Variants in LPP observed in about 807,000 individuals in gnomAD.
The protein encoded by LPP is lipoma-preferred partner.
A neutral mutation model predicts 60.4 loss-of-function variants in LPP; 38 were observed. The observed-to-expected ratio is 0.63, with a 90% confidence interval of 0.49 to 0.83. The LOEUF (loss-of-function observed/expected upper bound fraction) is 0.83. Among genes scored for constraint, LPP ranks in the 40% least tolerant of loss-of-function variants. LPP has a pLI of 0.00. For synonymous variants in LPP, 328 were observed against 290.8 expected (o/e 1.13, Z -1.30); for missense variants, 902 against 783.6 (o/e 1.15, Z -1.80).
intron 1 of LPP, among the ~76,000 whole-genome samples, chr3:188,190,389 G>A (rs986174776): frequency 6.6e-6 from 1 of 152,076 alleles, no homozygotes; most frequent in Admixed American, 6.6e-5. Flanking sequence ...TGAGGAGATT[G>A]AGGCTTGGAG....
At chr3:188,462,590 G>GTA (rs1799362688) in intron 4 of LPP, among the ~76,000 whole-genome samples, 17 of 4,774 alleles carry the variant, frequency 3.6e-3, no homozygotes, top group African/African-American at 3.8e-3. Context: ...ATATATGCAT[G>GTA]TGTGTGTGTG....
chr3:188,769,134 CG>C lies in LPP; in HGVS notation c.1410+8853del, dbSNP rs1735067905. Among the ~76,000 whole-genome samples the C allele has an allele frequency of 4.6e-5, 7 of 152,154 alleles. No homozygotes were observed. The South Asian group carries it at 1.5e-3, about 32-fold the overall frequency. ...AAAATATCTAGGTAAAACTTTAAAA[CG>C]TATAAATGATCTAAGTGAGGAATGC... On this transcript the variant is annotated intron_variant, in intron 9 of 11. Transcript: ENST00000617246.
intron 4 of LPP, chr3:188,472,910 A>T (rs1802217774): frequency 6.6e-6 from 1 of 152,164 alleles, no homozygotes; most frequent in Non-Finnish European, 1.5e-5. Flanking sequence ...ATTCCCAAGA[A>T]GTCTCAGTTT....
chr3:188,811,466 A>T (rs1577710623), intron 9 of LPP, among the ~76,000 whole-genome samples: 1 of 152,068 alleles, frequency 6.6e-6, no homozygotes, highest in South Asian at 2.1e-4. Flanking sequence ...ACATCATTTG[A>T]TATTAACCTT....
intron 9 of LPP, among the ~76,000 whole-genome samples, chr3:188,819,401 C>T (rs1753369902): frequency 6.6e-6 from 1 of 151,908 alleles, no homozygotes. Flanking sequence ...AAAAAAAACC[C>T]TGAATACCTA....
intron 2 of LPP, among the ~76,000 whole-genome samples, chr3:188,251,973 T>C (rs920166015): frequency 6.8e-6 from 1 of 146,780 alleles, no homozygotes; most frequent in Admixed American, 6.9e-5. Context: ...CACCTTGTTA[T>C]TCCCCACACC....
At chr3:188,341,605 A>G (rs1010574264) in intron 2 of LPP, 58 bp from the exon 3 acceptor site, 83 of 629,608 alleles carry the variant, frequency 1.3e-4, no homozygotes, top group Non-Finnish European at 1.5e-4. Flanking sequence ...CTATTAATGA[A>G]TAAATATGGG....
intron 7 of LPP, among the ~76,000 whole-genome samples, chr3:188,677,984 G>A (rs1377953629): frequency 6.6e-6 from 1 of 152,136 alleles, no homozygotes; most frequent in Non-Finnish European, 1.5e-5. Context: ...TGGTCCCAGG[G>A]TGGTCTTGCT....
At chr3:188,636,417 T>G (rs952893284) in intron 7 of LPP, among the ~76,000 whole-genome samples, 1 of 151,384 alleles carries the variant, frequency 6.6e-6, no homozygotes, top group Non-Finnish European at 1.5e-5. Flanking sequence ...CCCCATGGAG[T>G]CTCGCTGATT....
At chr3:188,191,787 C>T (rs1728242413) in intron 1 of LPP, among the ~76,000 whole-genome samples, 1 of 152,176 alleles carries the variant, frequency 6.6e-6, no homozygotes, top group Admixed American at 6.5e-5. Flanking sequence ...CCTCAAGGAG[C>T]ATCTTTTCCA....
chr3:188,599,181 G>A (rs1031160257), intron 6 of LPP, among the ~76,000 whole-genome samples: 3 of 151,918 alleles, frequency 2.0e-5, no homozygotes, highest in Non-Finnish European at 2.9e-5. Flanking sequence ...TACATGGCTG[G>A]GTATTTACAT....
intron 5 of LPP, among the ~76,000 whole-genome samples, chr3:188,506,950 A>C (rs1813666435): frequency 6.6e-6 from 1 of 151,502 alleles, no homozygotes; most frequent in Non-Finnish European, 1.5e-5. Flanking sequence ...GGCGCCCACC[A>C]CCACACCTGG....
intron 11 of LPP, 103 bp from the exon 12 acceptor site, chr3:188,874,248 C>A: frequency 9.3e-7 from 1 of 1,071,524 alleles, no homozygotes; most frequent in Non-Finnish European, 1.3e-6. Flanking sequence ...TAGTAAGTGG[C>A]CACATTATGG....
chr3:188,673,390 C>T (rs1857346472), intron 7 of LPP, among the ~76,000 whole-genome samples: 1 of 152,132 alleles, frequency 6.6e-6, no homozygotes, highest in South Asian at 2.1e-4. Flanking sequence ...TATTCATCCA[C>T]ATCAATATTA....
At chr3:188,556,702 G>C (rs2150593387) in intron 6 of LPP, among the ~76,000 whole-genome samples, 1 of 151,790 alleles carries the variant, frequency 6.6e-6, no homozygotes, top group Non-Finnish European at 1.5e-5. Flanking sequence ...GATTGTGAAT[G>C]CTCTGCGAAA....
intron 3 of LPP, among the ~76,000 whole-genome samples, chr3:188,390,478 C>A (rs1779431927): frequency 6.6e-6 from 1 of 151,704 alleles, no homozygotes. Context: ...CATAAACACC[C>A]ATGGGATAAG....
chr3:188,197,916 T>C (rs1202016463), intron 1 of LPP, among the ~76,000 whole-genome samples: 3 of 152,194 alleles, frequency 2.0e-5, no homozygotes, highest in African/African-American at 7.2e-5. Flanking sequence ...CAAAGAGCTT[T>C]GGATTTGGGT....
In LPP at chr3:188,881,015, C is replaced by T. The variant is rs918216122; in HGVS notation, c.*6536C>T. The T allele has an allele frequency of 9.8e-5, 16 of 162,726 alleles. No individual in the cohort carries two copies. The highest frequency in any genetic ancestry group is 1.3e-4 in the Non-Finnish European group (10 of 74,136). The allele number at this position is 162,726 out of a possible 1,614,324, so 10.1% of individuals were successfully genotyped here. A position where few individuals can be genotyped will look rare whatever the true frequency, so the allele number is the denominator to read the frequency against. ...ATTAGCCTGGCTCAGTGGCGGGCGC[C>T]TGTAGTCCCAGCTACTCAGGAGGCT... On this transcript the variant is annotated 3_prime_UTR_variant, in exon 12 of 12. Coordinates refer to ENST00000617246, the MANE Select transcript of LPP (RefSeq NM_001375462.1).
rs569531339 is a variant in LPP at position 188,381,086 on chromosome 3, A to C, written c.-9-25026A>C. Among the ~76,000 whole-genome samples the C allele has an allele frequency of 1.2e-4, 18 of 152,226 alleles. No individual in the cohort carries two copies. The South Asian group carries it at 3.7e-3, about 32-fold the overall frequency. On this transcript the variant is annotated intron_variant, in intron 3 of 11. Coordinates refer to ENST00000617246, the MANE Select transcript of LPP (RefSeq NM_001375462.1). ...CTTTTATAGGCTCTGGAGTTGATGG[A>C]GTCTCCTTTAATAAATGGGTAGTGG... is the stretch of plus-strand genomic sequence containing the variant.
Sources: allele counts gnomAD v4.1 joint callset (sites outside exome capture counted in the v4.1 genomes callset), GRCh38; gene constraint gnomAD v4.1.1; transcripts MANE v1.5; gene names NCBI Gene and HGNC (gene_info 2026-07-23, HGNC 2026-07-21).